DCLRE1C: variants seen among roughly 807,000 people sequenced by gnomAD.
The protein encoded by DCLRE1C is DNA cross-link repair 1C.
In DCLRE1C, 47 loss-of-function variants were observed where a neutral mutation model predicts 61.4. The observed-to-expected ratio is 0.77, with a 90% CI of 0.61 to 0.98. The LOEUF (loss-of-function observed/expected upper bound fraction) is 0.98, where lower values mean the gene tolerates loss of function less well. DCLRE1C is among the 50% of genes least tolerant of loss of function. DCLRE1C has a pLI of 0.00. For missense variants in DCLRE1C, 858 were observed against 816.0 expected (o/e 1.05, Z -0.63); for synonymous variants, 337 against 287.6 (o/e 1.17, Z -1.74).
At chr10:14,953,771 C>G in intron 1 of DCLRE1C, 131 bp downstream of exon 1, 2 of 1,332,154 alleles carry the variant, frequency 1.5e-6, no homozygotes, top group Non-Finnish European at 1.0e-6. Flanking sequence ...CCGACTGGGA[C>G]AAGGCGTGTG....
chr10:14,918,168 A>C (rs1281021430), intron 13 of DCLRE1C, among the ~76,000 whole-genome samples: 1 of 152,144 alleles, frequency 6.6e-6, no homozygotes, highest in African/African-American at 2.4e-5. Context: ...GTCCATACAA[A>C]AGTTTGTACA....
At chr10:14,898,433 A>C (rs983560227) in exon 14 of DCLRE1C, 1 of 151,084 alleles carries the variant, frequency 6.6e-6, no homozygotes, top group African/African-American at 2.4e-5. Flanking sequence ...GGAGTTGTCA[A>C]CTCTGGATTT....
At chr10:14,945,778 C>T (rs1459555537) in intron 2 of DCLRE1C, among the ~76,000 whole-genome samples, 2 of 149,342 alleles carry the variant, frequency 1.3e-5, no homozygotes, top group African/African-American at 5.0e-5. Flanking sequence ...CCTGCCTCAG[C>T]CTCCCGAGTA....
At chr10:14,949,813 C>T (rs896396669) in intron 1 of DCLRE1C, among the ~76,000 whole-genome samples, 4 of 150,410 alleles carry the variant, frequency 2.7e-5, no homozygotes, top group Non-Finnish European at 5.9e-5. Context: ...GGGAGGCCGA[C>T]GTAGGCGGAT....
chr10:14,953,757 G>C (rs1187491940), intron 1 of DCLRE1C, 145 bp downstream of exon 1: 5 of 1,211,848 alleles, frequency 4.1e-6, no homozygotes, highest in Non-Finnish European at 5.8e-6. Flanking sequence ...AGAGGCTGAA[G>C]AGCCCGACTG....
rs900566725 is a variant in DCLRE1C, at chr10:14,908,292, C to A, written c.*116G>T. 1.1e-6 allele frequency: 1 copy of A among 887,974 alleles called. No individual in the cohort carries two copies. The highest frequency in any genetic ancestry group is 1.8e-6 in the Non-Finnish European group (1 of 562,416). 55.0% of individuals were successfully genotyped at this position (887,974 alleles called of 1,614,324 possible). ...CTGGGATTACAAGTGTGAGCCACCA[C>A]ACCCAACCAGGTTATTTGAACATTT... On this transcript the variant is annotated 3_prime_UTR_variant, in exon 14 of 14. Coordinates refer to ENST00000378278, the MANE Select transcript of DCLRE1C (RefSeq NM_001033855.3).
intron 13 of DCLRE1C, among the ~76,000 whole-genome samples, chr10:14,914,209 C>G (rs767038491): frequency 6.6e-6 from 1 of 152,150 alleles, no homozygotes; most frequent in Non-Finnish European, 1.5e-5. Flanking sequence ...AAAGATACAT[C>G]AAGCCAATAT....
chr10:14,905,910 A>G lies in DCLRE1C; in HGVS notation c.*2498T>C, dbSNP rs1834354230. 6.6e-6 allele frequency among the ~76,000 whole-genome samples: 1 copy of G among 152,178 alleles called. No individual in the cohort carries two copies. On this transcript the variant is annotated 3_prime_UTR_variant, in exon 14 of 14. Coordinates refer to ENST00000378278, the MANE Select transcript of DCLRE1C (RefSeq NM_001033855.3). The stretch of plus-strand genomic sequence containing the variant: ...GGCAGGAAAATCACTTGAACCCTGG[A>G]GGCTGAGGTTGCAGTGAGCTGAGAT...
chr10:14,903,714 T>C (rs946659807), downstream of DCLRE1C: 3 of 152,222 alleles, frequency 2.0e-5, no homozygotes, highest in African/African-American at 7.2e-5. Flanking sequence ...AAAACTATTC[T>C]TTCATGTCTG....
At chr10:14,945,244 T>C (rs1841497839) in intron 2 of DCLRE1C, 55 bp from the exon 3 acceptor site, 1 of 1,533,510 alleles carries the variant, frequency 6.5e-7, no homozygotes, top group Non-Finnish European at 8.9e-7. Flanking sequence ...GCCATCTTGG[T>C]GACTAAGAAA....
intron 3 of DCLRE1C, among the ~76,000 whole-genome samples, chr10:14,944,436 T>G (rs1170922194): frequency 1.3e-5 from 2 of 151,746 alleles, no homozygotes; most frequent in Non-Finnish European, 2.9e-5. Context: ...GAGGCAGAGG[T>G]TGCAGTGAGC....
chr10:14,928,455 CAAAT>C (rs1383875047), intron 9 of DCLRE1C, among the ~76,000 whole-genome samples: 1 of 152,274 alleles, frequency 6.6e-6, no homozygotes, highest in South Asian at 2.1e-4. Flanking sequence ...GGACGACCCT[CAAAT>C]AAATCCTGGA....
rs977153944 is a variant in DCLRE1C, at chr10:14,905,203, G to A, written c.*3205C>T. Among the ~76,000 whole-genome samples, 12 of 152,228 alleles carry A rather than the reference G, an allele frequency of 7.9e-5. No individual in the cohort carries two copies. The highest frequency in any genetic ancestry group is 2.9e-4 in the African/African-American group (12 of 41,454). On this transcript the variant is annotated 3_prime_UTR_variant, in exon 14 of 14. Transcript: ENST00000378278. ...CTTTCCTTTTAAGATAGCTTTCATG[G>A]TTCATGCATTTGATACTACACTTGA...
intron 9 of DCLRE1C, among the ~76,000 whole-genome samples, chr10:14,931,183 G>C (rs972978537): frequency 2.0e-5 from 3 of 152,172 alleles, no homozygotes; most frequent in African/African-American, 7.2e-5. Flanking sequence ...AATTTTAATT[G>C]AAACAATATT....
At chr10:14,939,030 G>C (rs1242807842) in intron 4 of DCLRE1C, among the ~76,000 whole-genome samples, 2 of 152,212 alleles carry the variant, frequency 1.3e-5, no homozygotes, top group Non-Finnish European at 2.9e-5. Context: ...GAGGTGATTA[G>C]TTATTGGGCA....
intron 12 of DCLRE1C, among the ~76,000 whole-genome samples, chr10:14,922,084 CAGGCTGTGTCTT>C (rs1837211455): frequency 6.6e-6 from 1 of 152,184 alleles, no homozygotes. Context: ...TCTGCTAGGA[CAGGCTGTGTCTT>C]AGGCAAATTG....
chr10:14,920,519 C>G (rs1037958659), intron 12 of DCLRE1C: 1 of 649,326 alleles, frequency 1.5e-6, no homozygotes, highest in South Asian at 6.7e-5. Flanking sequence ...CATTTTACGT[C>G]CTCACCCCTG....
chr10:14,911,402 C>T (rs1835235516), intron 13 of DCLRE1C: 1 of 152,158 alleles, frequency 6.6e-6, no homozygotes, highest in Non-Finnish European at 1.5e-5. Context: ...GAACAAAGCT[C>T]AAGAATGTTT....
chr10:14,919,284 A>G (rs767877562), intron 13 of DCLRE1C, among the ~76,000 whole-genome samples: 1 of 152,230 alleles, frequency 6.6e-6, no homozygotes, highest in African/African-American at 2.4e-5. Context: ...GGTACAAAGT[A>G]TAGAGAAAAA....
Sources: gnomAD v4.1 joint callset for allele counts (sites outside exome capture counted in the v4.1 genomes callset) on GRCh38, gnomAD v4.1.1 for gene constraint, MANE v1.5 for transcripts, NCBI Gene and HGNC (gene_info 2026-07-23, HGNC 2026-07-21) for gene names.